The following DAB2IP variants were observed in gnomAD, a reference collection of about 807,000 sequenced individuals.
The protein encoded by DAB2IP is DAB2 interacting protein.
In DAB2IP, 28 loss-of-function variants were observed where a neutral mutation model predicts 107.2. The observed-to-expected ratio is 0.26, with a 90% CI of 0.19 to 0.36. DAB2IP has a LOEUF of 0.36. DAB2IP is among the 10% of genes least tolerant of loss of function. DAB2IP has a pLI of 1.00. For synonymous variants in DAB2IP, 755 were observed against 706.4 expected, an observed-to-expected ratio of 1.07 and a Z score of -1.09; for missense variants, 1,400 against 1,644.7, an observed-to-expected ratio of 0.85 and a Z score of 2.57.
At chr9:121,688,850 G>T (rs573180270) in intron 2 of DAB2IP, among the ~76,000 whole-genome samples, 1 of 152,160 alleles carries the variant, frequency 6.6e-6, no homozygotes, top group Non-Finnish European at 1.5e-5. Context: ...AGGGAAGAGG[G>T]TGAGCCGTGA....
chr9:121,597,168 A>G (rs774523481), intron 1 of DAB2IP, among the ~76,000 whole-genome samples: 5 of 152,142 alleles, frequency 3.3e-5, no homozygotes, highest in Non-Finnish European at 5.9e-5. Flanking sequence ...ATTTTAATTA[A>G]ATGTATTGAT....
intron 3 of DAB2IP, chr9:121,737,475 CCCGG>C: frequency 1.0e-6 from 1 of 985,474 alleles, no homozygotes; most frequent in South Asian, 4.7e-5. Flanking sequence ...TAGATGCCGG[CCCGG>C]CCGAGAGGCC....
intron 3 of DAB2IP, among the ~76,000 whole-genome samples, chr9:121,753,772 G>A (rs1833292544): frequency 1.3e-5 from 2 of 152,228 alleles, no homozygotes; most frequent in South Asian, 2.1e-4. Flanking sequence ...CCCTTCCTGG[G>A]AGTGGAATGG....
chr9:121,644,551 C>T (rs193198090), intron 1 of DAB2IP, among the ~76,000 whole-genome samples: 1 of 151,200 alleles, frequency 6.6e-6, no homozygotes, highest in African/African-American at 2.4e-5. Flanking sequence ...GAGCTGAGAT[C>T]GAGCCATTGC....
At chr9:121,655,093 G>A (rs921804942) in intron 1 of DAB2IP, among the ~76,000 whole-genome samples, 1 of 152,130 alleles carries the variant, frequency 6.6e-6, no homozygotes, top group Non-Finnish European at 1.5e-5. Context: ...TGAAGGATGG[G>A]CAGAGTGAGA....
intron 1 of DAB2IP, among the ~76,000 whole-genome samples, chr9:121,639,298 T>A (rs1025508864): frequency 1.3e-5 from 2 of 152,182 alleles, no homozygotes; most frequent in African/African-American, 4.8e-5. Flanking sequence ...CTGCAAACCC[T>A]CTAGGCCAAA....
Position 121,698,660 on chromosome 9 carries a change from C to G in DAB2IP, c.229-665C>G, listed in dbSNP as rs1403378806. Among the ~76,000 whole-genome samples the G allele has an allele frequency of 1.3e-5, 2 of 152,196 alleles. No individual in the cohort carries two copies. Among genetic ancestry groups the G allele is most frequent in the East Asian group, 3.9e-4 (2 of 5,176 alleles). Reference sequence around the variant, plus strand: ...CCGGGGAGGGGCCCCACCCTGACATCAAGCTACTGCCGCTCTGGGAAGGAA... The same window carrying G: ...CCGGGGAGGGGCCCCACCCTGACATGAAGCTACTGCCGCTCTGGGAAGGAA... On this transcript the variant is annotated intron_variant, in intron 2 of 15. Transcript: ENST00000408936. This position sits in a 1 kb window ranked among gnomAD's most constrained non-coding sequence, Gnocchi z 4.1.
chr9:121,783,384 C>A, exon 16 of DAB2IP: 1 of 1,546,342 alleles, frequency 6.5e-7, no homozygotes, highest in Non-Finnish European at 8.7e-7. Context: ...GGGCCCAGCA[C>A]ACCCAGGGCA....
chr9:121,768,739 A>G (rs1178344997), intron 10 of DAB2IP, 106 bp downstream of exon 10: 1 of 1,411,952 alleles, frequency 7.1e-7, no homozygotes. Flanking sequence ...CCCAAGTGGC[A>G]TGATCAGGCC....
exon 16 of DAB2IP, chr9:121,783,108 A>G: frequency 9.5e-7 from 1 of 1,052,894 alleles, no homozygotes; most frequent in South Asian, 3.6e-5. Context: ...CCTGGCTGTG[A>G]GGAACTGAGG....
intron 3 of DAB2IP, among the ~76,000 whole-genome samples, chr9:121,716,335 G>A (rs1488355723): frequency 6.6e-6 from 1 of 152,218 alleles, no homozygotes; most frequent in Non-Finnish European, 1.5e-5. Flanking sequence ...CTGAACCCCA[G>A]GTGAGGCAGG....
intron 1 of DAB2IP, among the ~76,000 whole-genome samples, chr9:121,670,307 T>C (rs775408485): frequency 3.5e-4 from 53 of 152,240 alleles, no homozygotes; most frequent in Non-Finnish European, 4.7e-4. Flanking sequence ...TTGTTTTCTA[T>C]GACTGCTGTA....
chr9:121,641,108 C>T (rs1832272372), intron 1 of DAB2IP, among the ~76,000 whole-genome samples: 1 of 152,170 alleles, frequency 6.6e-6, no homozygotes, highest in African/African-American at 2.4e-5. Flanking sequence ...TCCAGGATGA[C>T]CTTGAACTTG....
chr9:121,621,636 C>CTTT (rs538942620), intron 1 of DAB2IP, among the ~76,000 whole-genome samples: 6 of 134,866 alleles, frequency 4.4e-5, no homozygotes, highest in African/African-American at 8.5e-5. Context: ...TCTTTTTTTC[C>CTTT]TTTTTTTTTT....
upstream of DAB2IP, among the ~76,000 whole-genome samples, chr9:121,649,544 G>A (rs2119054975): frequency 6.6e-6 from 1 of 152,272 alleles, no homozygotes; most frequent in Middle Eastern, 3.4e-3. Flanking sequence ...TTCCTGCTTT[G>A]GGAAACAAAA....
At chr9:121,722,657 T>G (rs1489325775) in intron 3 of DAB2IP, among the ~76,000 whole-genome samples, 1 of 151,846 alleles carries the variant, frequency 6.6e-6, no homozygotes, top group African/African-American at 2.4e-5. Flanking sequence ...AAGAAGAAAC[T>G]CAAGTGTGGA....
At chr9:121,570,655 C>T (rs945214043) in intron 1 of DAB2IP, among the ~76,000 whole-genome samples, 4 of 152,122 alleles carry the variant, frequency 2.6e-5, no homozygotes, top group Non-Finnish European at 4.4e-5. Flanking sequence ...TGTAAGCAAT[C>T]CTCCTGCTTC....
intron 3 of DAB2IP, among the ~76,000 whole-genome samples, chr9:121,742,174 T>A (rs899845281): frequency 1.3e-5 from 2 of 152,134 alleles, no homozygotes; most frequent in Non-Finnish European, 2.9e-5. Flanking sequence ...ATGCCTATAA[T>A]CCCAGCACTT....
intron 3 of DAB2IP, among the ~76,000 whole-genome samples, chr9:121,741,832 G>A (rs1197744009): frequency 6.6e-6 from 1 of 150,676 alleles, no homozygotes; most frequent in African/African-American, 2.4e-5. Flanking sequence ...GCTTTGTTCT[G>A]TATCCTCTCG....
Sources: gnomAD v4.1 joint callset for allele counts (sites outside exome capture counted in the v4.1 genomes callset) on GRCh38, gnomAD v4.1.1 for gene constraint, Gnocchi (gnomAD v3.1) non-coding constraint, MANE v1.5 for transcripts, NCBI Gene and HGNC (gene_info 2026-07-23, HGNC 2026-07-21) for gene names.